The following HYDIN variants were observed in gnomAD, a reference collection of about 807,000 sequenced individuals.
HYDIN encodes the protein axonemal central pair apparatus protein HYDIN.
Under a neutral mutation model 403.9 loss-of-function variants are expected in HYDIN, and 132 were observed. The observed-to-expected ratio is 0.33, with a 90% CI of 0.28 to 0.38. HYDIN has a LOEUF of 0.38. HYDIN is among the 10% of genes least tolerant of loss of function. The pLI, the probability that HYDIN is intolerant of heterozygous loss-of-function variation, is 1.00. For synonymous variants in HYDIN, 1,202 were observed against 1,891.7 expected, an observed-to-expected ratio of 0.64 and a Z score of 9.46; for missense variants, 2,827 against 5,009.5, an observed-to-expected ratio of 0.56 and a Z score of 13.15.
chr16:70,841,032 C>T (rs539707196), intron 75 of HYDIN, among the ~76,000 whole-genome samples: 1 of 151,862 alleles, frequency 6.6e-6, no homozygotes, highest in African/African-American at 2.4e-5. Flanking sequence ...TTAGAATAAA[C>T]AGTAGAATAA....
chr16:70,947,082 T>C (rs1013107649), intron 41 of HYDIN, among the ~76,000 whole-genome samples: 17 of 149,238 alleles, frequency 1.1e-4, no homozygotes, highest in African/African-American at 3.4e-4. Flanking sequence ...CTATGTTGAA[T>C]AGGAGTGGTG....
chr16:71,184,337 T>C (rs1038366512), intron 3 of HYDIN, among the ~76,000 whole-genome samples: 7 of 152,222 alleles, frequency 4.6e-5, no homozygotes, highest in African/African-American at 1.4e-4. Context: ...AACCAGACCT[T>C]CTATAATCAC....
chr16:71,051,660 C>CAAAAAAAAAAAAAAAA (rs1219589325), intron 18 of HYDIN, among the ~76,000 whole-genome samples: 1 of 90,344 alleles, frequency 1.1e-5, no homozygotes, highest in Non-Finnish European at 2.5e-5. Flanking sequence ...AAAAAAAAAA[C>CAAAAAAAAAAAAAAAA]AAAAAAAACA....
chr16:71,085,867 T>TA (rs2082917153), intron 12 of HYDIN, among the ~76,000 whole-genome samples: 1 of 152,180 alleles, frequency 6.6e-6, no homozygotes, highest in South Asian at 2.1e-4. Flanking sequence ...TGGTATCTTG[T>TA]AAAAAGCATA....
At chr16:70,834,799 G>T (rs1340374105) in intron 78 of HYDIN, among the ~76,000 whole-genome samples, 1 of 151,236 alleles carries the variant, frequency 6.6e-6, no homozygotes, top group African/African-American at 2.4e-5. Flanking sequence ...AGTGAGCTGA[G>T]ATCACACCAG....
rs1417405237 is a variant in HYDIN, at chr16:70,857,321, TGA to T, written c.12295+382_12295+383del. Among the ~76,000 whole-genome samples the T allele has an allele frequency of 8.2e-5, 4 of 48,692 alleles. 2 individuals are homozygous for T. The highest frequency in any genetic ancestry group is 6.9e-5 in the Non-Finnish European group (2 of 29,188). 31.9% of individuals were successfully genotyped at this position (48,692 alleles called of 152,430 possible). ...TGAACCAAATAAATGCACGAAAGGATGAGAGAGAAATTTGACCACTGTGGCAC... is the reference window on the plus strand; with the variant it reads ...TGAACCAAATAAATGCACGAAAGGATGAGAGAAATTTGACCACTGTGGCAC... On this transcript the variant is annotated intron_variant, in intron 72 of 85. Transcript: ENST00000393567.
At chr16:71,050,310 GA>G (rs2081594194) in intron 18 of HYDIN, among the ~76,000 whole-genome samples, 1 of 149,520 alleles carries the variant, frequency 6.7e-6, no homozygotes, top group Non-Finnish European at 1.5e-5. Context: ...AATCTTCAAA[GA>G]GTTGAAAGAA....
chr16:71,120,523 G>A (rs1032847529), intron 9 of HYDIN, among the ~76,000 whole-genome samples: 39 of 145,314 alleles, frequency 2.7e-4, no homozygotes, highest in Middle Eastern at 6.9e-3. Context: ...TGTGATAGAT[G>A]ATAAATATGA....
In HYDIN at chr16:71,046,600, T is replaced by C. The variant is rs534347053; in HGVS notation, c.2529+13904A>G. Among the ~76,000 whole-genome samples, 3 of 152,344 alleles carry C rather than the reference T, an allele frequency of 2.0e-5. No homozygotes were observed. In the South Asian group the frequency reaches 6.2e-4, roughly 32 times the overall value. On this transcript the variant is annotated intron_variant, in intron 18 of 85. Coordinates refer to ENST00000393567, the MANE Select transcript of HYDIN (RefSeq NM_001270974.2). ...TGCCATCCTACAAAGAGTTTTATCATGTCACATACACTTCTTCAGTCTCTG... is the reference window on the plus strand; with the variant it reads ...TGCCATCCTACAAAGAGTTTTATCACGTCACATACACTTCTTCAGTCTCTG...
chr16:71,152,927 C>T lies in HYDIN; in HGVS notation c.717-144G>A, dbSNP rs2085598698. 1.6e-5 allele frequency: 10 copies of T among 630,284 alleles called. No homozygotes were observed. In the Admixed American group the frequency reaches 3.1e-4, roughly 19 times the overall value. 39.0% of individuals were successfully genotyped at this position (630,284 alleles called of 1,614,324 possible). Reference sequence around the variant, plus strand: ...GATCTAGAAGTGAAGTAGACTTTTGCTACCTAATGTGAAAGAACTTTAGTT... The same window carrying T: ...GATCTAGAAGTGAAGTAGACTTTTGTTACCTAATGTGAAAGAACTTTAGTT... On this transcript the variant is annotated intron_variant, in intron 6 of 85. Transcript: ENST00000393567.
intron 1 of HYDIN, among the ~76,000 whole-genome samples, chr16:71,214,830 C>T (rs2088793208): frequency 6.6e-6 from 1 of 152,174 alleles, no homozygotes; most frequent in Non-Finnish European, 1.5e-5. Flanking sequence ...GCTTTTATTT[C>T]CTTCCCTGCC....
chr16:71,144,615 T>C (rs1194421763), intron 7 of HYDIN, among the ~76,000 whole-genome samples: 2 of 150,716 alleles, frequency 1.3e-5, no homozygotes, highest in African/African-American at 4.9e-5. Flanking sequence ...AGGGGAGAAT[T>C]CTGGTTCAGA....
chr16:70,963,227 A>G (rs2078473891), intron 37 of HYDIN, among the ~76,000 whole-genome samples: 1 of 151,280 alleles, frequency 6.6e-6, no homozygotes. Flanking sequence ...CACTTTTTTC[A>G]CTAATTTTTT....
intron 45 of HYDIN, among the ~76,000 whole-genome samples, chr16:70,931,381 A>G (rs1278169080): frequency 6.6e-6 from 1 of 151,236 alleles, no homozygotes; most frequent in Non-Finnish European, 1.5e-5. Context: ...CTTGCAGTTT[A>G]AAGATTCCTG....
In HYDIN at chr16:71,195,265, A is replaced by G. The variant is rs1377625750; in HGVS notation, c.-23-8347T>C. Among the ~76,000 whole-genome samples, 3 of 152,074 alleles carry G rather than the reference A, an allele frequency of 2.0e-5. No homozygotes were observed. The East Asian group carries it at 5.8e-4, about 29-fold the overall frequency. On this transcript the variant is annotated intron_variant, in intron 1 of 85. Coordinates refer to ENST00000393567, the MANE Select transcript of HYDIN (RefSeq NM_001270974.2). ...CAGAAAGTTTGGTTTAAAAAAAAAAAAAAGAAAAGAAAAAACTAAAGCGAA... is the reference window on the plus strand; with the variant it reads ...CAGAAAGTTTGGTTTAAAAAAAAAAGAAAGAAAAGAAAAAACTAAAGCGAA...
At chr16:70,810,596 C>G (rs1391443921) in intron 84 of HYDIN, among the ~76,000 whole-genome samples, 1 of 152,134 alleles carries the variant, frequency 6.6e-6, no homozygotes, top group Admixed American at 6.5e-5. Flanking sequence ...CTTTGGGAGG[C>G]TGAGGCGGGT....
At chr16:70,942,575 G>A (rs2077715533) in intron 42 of HYDIN, among the ~76,000 whole-genome samples, 2 of 152,274 alleles carry the variant, frequency 1.3e-5, no homozygotes, top group African/African-American at 2.4e-5. Context: ...AACAGCCTCT[G>A]CCTTACTCAG....
At chr16:70,865,170 C>T in intron 67 of HYDIN, 2 of 344,020 alleles carry the variant, frequency 5.8e-6, no homozygotes, top group South Asian at 2.3e-5. Flanking sequence ...TAGAGAGAGC[C>T]CTTCATTCTC....
chr16:71,128,162 C>A (rs2084548931), intron 9 of HYDIN, among the ~76,000 whole-genome samples: 1 of 152,210 alleles, frequency 6.6e-6, no homozygotes, highest in African/African-American at 2.4e-5. Flanking sequence ...TGAAAATCAC[C>A]TCAGCCTCTG....
Sources: gnomAD v4.1 joint callset for allele counts (sites outside exome capture counted in the v4.1 genomes callset) on GRCh38, gnomAD v4.1.1 for gene constraint, MANE v1.5 for transcripts, NCBI Gene and HGNC (gene_info 2026-07-23, HGNC 2026-07-21) for gene names.